The following XKR4 variants were observed in gnomAD, a reference collection of about 807,000 sequenced individuals.
XKR4 encodes the protein XK related 4.
In XKR4, 12 loss-of-function variants were observed where a neutral mutation model predicts 53.9. That is an observed-to-expected ratio of 0.22 (90% CI 0.14 to 0.36). The LOEUF is 0.36. Ranked by LOEUF, XKR4 falls within the 10% of genes least tolerant of loss-of-function variation. The pLI, the probability that XKR4 is intolerant of heterozygous loss-of-function variation, is 1.00. For synonymous variants in XKR4, 354 were observed against 362.4 expected (o/e 0.98, Z 0.26); for missense variants, 799 against 859.5 (o/e 0.93, Z 0.88).
intron 2 of XKR4, among the ~76,000 whole-genome samples, chr8:55,463,856 A>C (rs1350546322): frequency 6.6e-6 from 1 of 152,178 alleles, no homozygotes; most frequent in African/African-American, 2.4e-5. Context: ...ACCTCTACAC[A>C]AATAAACTAG....
chr8:55,293,012 A>G (rs1157846417), intron 1 of XKR4, among the ~76,000 whole-genome samples: 1 of 151,712 alleles, frequency 6.6e-6, no homozygotes, highest in Non-Finnish European at 1.5e-5. Flanking sequence ...AGTGTTGCCA[A>G]CTGCCATTTT....
intron 2 of XKR4, among the ~76,000 whole-genome samples, chr8:55,515,947 C>T (rs1378027614): frequency 6.6e-6 from 1 of 152,184 alleles, no homozygotes; most frequent in Non-Finnish European, 1.5e-5. Context: ...TGAAGGTAAC[C>T]ATACCAATCC....
intron 1 of XKR4, among the ~76,000 whole-genome samples, chr8:55,213,784 A>G (rs1340267067): frequency 1.3e-5 from 2 of 149,326 alleles, no homozygotes; most frequent in African/African-American, 5.0e-5. Flanking sequence ...ATTTTCTGTT[A>G]TAATTTTTGC....
At chr8:55,250,483 A>C (rs1169318176) in intron 1 of XKR4, among the ~76,000 whole-genome samples, 1 of 152,158 alleles carries the variant, frequency 6.6e-6, no homozygotes, top group Non-Finnish European at 1.5e-5. Context: ...GGGCTTCATA[A>C]GAGGCTTTTC....
intron 2 of XKR4, among the ~76,000 whole-genome samples, chr8:55,515,702 T>C (rs1251382152): frequency 1.3e-5 from 2 of 152,262 alleles, no homozygotes; most frequent in African/African-American, 4.8e-5. Flanking sequence ...CTTGTGCCTC[T>C]GATCCATTTT....
At chr8:55,203,090 G>A (rs898088528) in intron 1 of XKR4, among the ~76,000 whole-genome samples, 7 of 152,232 alleles carry the variant, frequency 4.6e-5, no homozygotes, top group African/African-American at 1.7e-4. Flanking sequence ...AAGGAGCTTG[G>A]CACAGAATAG....
At chr8:55,211,816 A>G (rs1817735629) in intron 1 of XKR4, among the ~76,000 whole-genome samples, 2 of 152,208 alleles carry the variant, frequency 1.3e-5, no homozygotes, top group African/African-American at 4.8e-5. Context: ...ATTTGAAGAG[A>G]TTTATTCTCA....
chr8:55,117,906 T>C (rs2073852997), intron 1 of XKR4, among the ~76,000 whole-genome samples: 2 of 152,198 alleles, frequency 1.3e-5, no homozygotes, highest in Admixed American at 6.5e-5. Flanking sequence ...CCACCAGCTG[T>C]TGGACTCAAA....
chr8:55,502,737 AT>A (rs1178480628), intron 2 of XKR4, among the ~76,000 whole-genome samples: 2 of 151,974 alleles, frequency 1.3e-5, no homozygotes, highest in Non-Finnish European at 2.9e-5. Context: ...AGTCCAATTT[AT>A]TTTTTTCTTT....
At chr8:55,434,408 A>G (rs971215806) in intron 2 of XKR4, among the ~76,000 whole-genome samples, 11 of 111,224 alleles carry the variant, frequency 9.9e-5, no homozygotes, top group Admixed American at 2.9e-4. Context: ...CTTGATACCA[A>G]TCGTGTGTGT....
At chr8:55,503,902 T>A (rs1373131785) in intron 2 of XKR4, among the ~76,000 whole-genome samples, 3 of 152,158 alleles carry the variant, frequency 2.0e-5, no homozygotes, top group African/African-American at 4.8e-5. Flanking sequence ...TGAGTTTTTT[T>A]AATCTTGAAA....
chr8:55,141,014 A>C (rs543435616), intron 1 of XKR4, among the ~76,000 whole-genome samples: 2 of 152,294 alleles, frequency 1.3e-5, no homozygotes, highest in African/African-American at 4.8e-5. Flanking sequence ...TGTACATTTC[A>C]GTACTTTTAG....
intron 2 of XKR4, among the ~76,000 whole-genome samples, chr8:55,360,491 G>A (rs1398729119): frequency 1.3e-5 from 2 of 152,190 alleles, no homozygotes; most frequent in Non-Finnish European, 2.9e-5. Flanking sequence ...CATCTTCAAT[G>A]GTTAAATAAA....
intron 1 of XKR4, among the ~76,000 whole-genome samples, chr8:55,223,606 C>T (rs1377403090): frequency 2.0e-5 from 3 of 152,164 alleles, no homozygotes; most frequent in African/African-American, 4.8e-5. Flanking sequence ...AGTTGAAATT[C>T]CTCTAAATGT....
intron 2 of XKR4, among the ~76,000 whole-genome samples, chr8:55,395,838 C>A (rs1804508912): frequency 6.6e-6 from 1 of 152,166 alleles, no homozygotes; most frequent in Admixed American, 6.5e-5. Flanking sequence ...GCGGCTACAA[C>A]AAATCACCAT....
chr8:55,133,178 A>G (rs1679221722), intron 1 of XKR4, among the ~76,000 whole-genome samples: 1 of 152,372 alleles, frequency 6.6e-6, no homozygotes, highest in East Asian at 1.9e-4. Flanking sequence ...AATGGAAAAC[A>G]GCCACAAACT....
chr8:55,471,379 C>G (rs1245992279), intron 2 of XKR4, among the ~76,000 whole-genome samples: 1 of 152,064 alleles, frequency 6.6e-6, no homozygotes, highest in Admixed American at 6.6e-5. Flanking sequence ...GACTGCCCAC[C>G]CTTTTCCCCT....
chr8:55,228,044 T>G (rs1817980746), intron 1 of XKR4, among the ~76,000 whole-genome samples: 1 of 152,198 alleles, frequency 6.6e-6, no homozygotes, highest in South Asian at 2.1e-4. Flanking sequence ...GAAGCTGGGA[T>G]TACGGACACG....
At chr8:55,287,937 A>G (rs1337531910) in intron 1 of XKR4, among the ~76,000 whole-genome samples, 3 of 152,230 alleles carry the variant, frequency 2.0e-5, no homozygotes, top group Non-Finnish European at 4.4e-5. Context: ...TGCACAAGAC[A>G]TATCCCCATC....
Sources: gnomAD v4.1 joint callset for allele counts (sites outside exome capture counted in the v4.1 genomes callset) on GRCh38, gnomAD v4.1.1 for gene constraint, MANE v1.5 for transcripts, NCBI Gene and HGNC (gene_info 2026-07-23, HGNC 2026-07-21) for gene names.